Variants in TLCD4 observed in about 807,000 individuals in gnomAD.
The protein encoded by TLCD4 is TLC domain-containing protein 4.
TLCD4 carries 7 observed loss-of-function variants against 24.2 expected under a neutral mutation model. That is an observed-to-expected ratio of 0.29 (90% CI 0.16 to 0.54). The LOEUF (loss-of-function observed/expected upper bound fraction) is 0.54, where lower values mean the gene tolerates loss of function less well. Ranked by LOEUF, TLCD4 falls within the 20% of genes least tolerant of loss-of-function variation. TLCD4 has a pLI of 0.95. For synonymous variants in TLCD4, 103 were observed against 106.4 expected (o/e 0.97, Z 0.20); for missense variants, 259 against 313.9 (o/e 0.82, Z 1.32).
chr1:95,170,461 C>T (rs1490856909), intron 5 of TLCD4, among the ~76,000 whole-genome samples: 3 of 151,582 alleles, frequency 2.0e-5, no homozygotes, highest in Non-Finnish European at 2.9e-5. Flanking sequence ...TCCCGAGTAG[C>T]TGGGACTATA....
At chr1:95,150,361 GAT>G (rs1677461568) in intron 4 of TLCD4, 95 bp downstream of exon 4, 1 of 1,485,946 alleles carries the variant, frequency 6.7e-7, no homozygotes, top group Non-Finnish European at 9.0e-7. Context: ...TTATTTGAGA[GAT>G]AGCATTTAGG....
At chr1:95,139,053 G>A (rs910288960) in intron 1 of TLCD4, among the ~76,000 whole-genome samples, 6 of 150,320 alleles carry the variant, frequency 4.0e-5, no homozygotes, top group African/African-American at 1.5e-4. Flanking sequence ...AATGAGCTGG[G>A]TGTGGTGGCT....
intron 5 of TLCD4, among the ~76,000 whole-genome samples, chr1:95,161,467 T>C (rs946828381): frequency 1.3e-5 from 2 of 152,224 alleles, no homozygotes; most frequent in African/African-American, 4.8e-5. Flanking sequence ...CTTGGATTCA[T>C]TGATTTTTTG....
chr1:95,136,113 CATGAT>C (rs1677034434), intron 1 of TLCD4, among the ~76,000 whole-genome samples: 1 of 151,910 alleles, frequency 6.6e-6, no homozygotes, highest in African/African-American at 2.4e-5. Flanking sequence ...CTCTTTATGA[CATGAT>C]AAGATTACCA....
At chr1:95,114,335 T>C (rs1235993302), upstream of TLCD4, among the ~76,000 whole-genome samples, 1 of 152,218 alleles carries the variant, frequency 6.6e-6, no homozygotes. Flanking sequence ...ATTCAGCCTT[T>C]CTGATCAAAA....
intron 6 of TLCD4, among the ~76,000 whole-genome samples, chr1:95,180,710 T>C (rs1028487751): frequency 1.3e-5 from 2 of 152,232 alleles, no homozygotes; most frequent in African/African-American, 4.8e-5. Flanking sequence ...CTTAATTGTT[T>C]TTGAGGACAT....
intron 5 of TLCD4, chr1:95,164,186 A>C (rs1182012649): frequency 6.5e-6 from 1 of 153,420 alleles, no homozygotes; most frequent in Non-Finnish European, 1.4e-5. Flanking sequence ...TTACCTACTC[A>C]AGCCTTAGCA....
chr1:95,148,867 C>A, intron 3 of TLCD4, 76 bp downstream of exon 3: 1 of 1,546,236 alleles, frequency 6.5e-7, no homozygotes. Flanking sequence ...ACATCACTTA[C>A]TTTAAAACAG....
At chr1:95,155,005 TAGTGTAGTGTAGTGCAGTGCAGTGC>T (rs1021660431) in intron 5 of TLCD4, among the ~76,000 whole-genome samples, 30 of 151,814 alleles carry the variant, frequency 2.0e-4, no homozygotes, top group African/African-American at 7.0e-4. Context: ...CATATAGTCG[TAGTGTAGTGTAGTGCAGTGCAGTGC>T]AGTGTAGTGT....
At chr1:95,100,971 A>T in the TLCD4 span, among the ~76,000 whole-genome samples, 1 of 150,964 alleles carries the variant, frequency 6.6e-6, no homozygotes, top group Non-Finnish European at 1.5e-5. Flanking sequence ...GCAGTGGCGC[A>T]ATCTCAGCTC....
At chr1:95,177,935 CTTTT>C (rs200257933) in intron 6 of TLCD4, among the ~76,000 whole-genome samples, 1 of 130,330 alleles carries the variant, frequency 7.7e-6, no homozygotes, top group Non-Finnish European at 1.7e-5. Flanking sequence ...TTTTTCTTTT[CTTTT>C]TTTTTTTTTT....
Position 95,151,321 on chromosome 1 carries a change from ACAGATTTGTC to A in TLCD4, c.305-1_313del. 6.2e-7 allele frequency: 1 copy of A among 1,612,606 alleles called. No individual in the cohort carries two copies. On this transcript the variant is annotated splice_acceptor_variant and splice_polypyrimidine_tract_variant and coding_sequence_variant and intron_variant, in exon 5 of 7. Coordinates refer to ENST00000370203, the MANE Select transcript of TLCD4 (RefSeq NM_152487.3). LOFTEE classifies it high-confidence loss of function. Reference sequence around the variant, plus strand: ...AATACCTTACTCACTTTTCTTTCTTACAGATTTGTCCATTATAATTTTGTATTGGAAAGTG... The same window carrying A: ...AATACCTTACTCACTTTTCTTTCTTACATTATAATTTTGTATTGGAAAGTG...
At chr1:95,178,833 T>A (rs1678536787) in intron 6 of TLCD4, among the ~76,000 whole-genome samples, 1 of 152,226 alleles carries the variant, frequency 6.6e-6, no homozygotes, top group Admixed American at 6.5e-5. Context: ...TGTTTTGTTC[T>A]CTTAGGTGGC....
chr1:95,164,124 C>G (rs934392880), intron 5 of TLCD4: 2 of 152,498 alleles, frequency 1.3e-5, no homozygotes, highest in East Asian at 3.9e-4. Context: ...GCAGGCAGGC[C>G]TCCTTGAGCT....
At chr1:95,112,969 G>A (rs1557673111), upstream of TLCD4, among the ~76,000 whole-genome samples, 1 of 151,800 alleles carries the variant, frequency 6.6e-6, no homozygotes, top group Non-Finnish European at 1.5e-5. Flanking sequence ...TCCTGCCTTG[G>A]CCTCCCAAAG....
chr1:95,150,317 A>G (rs1677460145), intron 4 of TLCD4, 51 bp downstream of exon 4: 2 of 1,595,474 alleles, frequency 1.3e-6, no homozygotes, highest in African/African-American at 2.7e-5. Context: ...TACTCACGGA[A>G]TTATACAAAG....
chr1:95,194,700 T>TA lies in TLCD4; in HGVS notation c.*2838dup, dbSNP rs1434096773. On this transcript the variant is annotated 3_prime_UTR_variant, in exon 7 of 7. Coordinates refer to ENST00000370203, the MANE Select transcript of TLCD4 (RefSeq NM_152487.3). ...AGAAAATAAAAGTTCTTGTGAAACT[T>TA]AAAAAATGAATGAAAACCAACTAAT... 3 of 152,102 alleles carry TA rather than the reference T, an allele frequency of 2.0e-5. No individual in the cohort carries two copies. Among genetic ancestry groups the TA allele is most frequent in the African/African-American group, 7.2e-5 (3 of 41,442 alleles). 9.4% of individuals were successfully genotyped at this position (152,102 alleles called of 1,614,324 possible).
intron 5 of TLCD4, among the ~76,000 whole-genome samples, chr1:95,170,139 G>A (rs1557692963): frequency 6.6e-6 from 1 of 151,946 alleles, no homozygotes; most frequent in Non-Finnish European, 1.5e-5. Context: ...CATAGACTTA[G>A]AACAACTAAA....
chr1:95,128,903 T>C (rs1676813558), intron 1 of TLCD4, among the ~76,000 whole-genome samples: 1 of 152,164 alleles, frequency 6.6e-6, no homozygotes, highest in Non-Finnish European at 1.5e-5. Context: ...AGTCTTAGAT[T>C]AAAGAAATGT....
Sources: gnomAD v4.1 joint callset for allele counts (sites outside exome capture counted in the v4.1 genomes callset) on GRCh38, gnomAD v4.1.1 for gene constraint, MANE v1.5 for transcripts, NCBI Gene and HGNC (gene_info 2026-07-23, HGNC 2026-07-21) for gene names.